Variants in VSTM2A observed in about 807,000 individuals in gnomAD.
The protein encoded by VSTM2A is V-set and transmembrane domain containing 2A, also known as V-set and transmembrane domain-containing protein 2A.
Under a neutral mutation model 27.3 loss-of-function variants are expected in VSTM2A, and 13 were observed. The ratio of observed to expected loss-of-function variants is 0.48; its 90% CI spans 0.31 to 0.76. The LOEUF (loss-of-function observed/expected upper bound fraction) is 0.76, where lower values mean the gene tolerates loss of function less well. Ranked by LOEUF, VSTM2A falls within the 30% of genes least tolerant of loss-of-function variation. The pLI is 0.05. For synonymous variants in VSTM2A, 142 were observed against 125.7 expected, an observed-to-expected ratio of 1.13 and a Z score of -0.87; for missense variants, 280 against 310.0, an observed-to-expected ratio of 0.90 and a Z score of 0.73.
chr7:54,554,517 C>G (rs1338765880), intron 4 of VSTM2A, among the ~76,000 whole-genome samples: 1 of 152,202 alleles, frequency 6.6e-6, no homozygotes, highest in Non-Finnish European at 1.5e-5. Flanking sequence ...AGGATGTCTG[C>G]ACACTTGTCT....
intron 4 of VSTM2A, chr7:54,558,156 G>GGT (rs2115877041): frequency 6.6e-6 from 1 of 152,180 alleles, no homozygotes; most frequent in East Asian, 1.9e-4. Flanking sequence ...TATACAAATT[G>GGT]GTGTTCATCT....
chr7:54,543,167 G>T (rs1253845435), intron 1 of VSTM2A, among the ~76,000 whole-genome samples: 1 of 152,068 alleles, frequency 6.6e-6, no homozygotes, highest in Non-Finnish European at 1.5e-5. Context: ...TGGATACTGG[G>T]ACTCTCCATT....
At chr7:54,545,740 G>A (rs1156860352) in intron 2 of VSTM2A, among the ~76,000 whole-genome samples, 1 of 126,722 alleles carries the variant, frequency 7.9e-6, no homozygotes, top group Non-Finnish European at 1.7e-5. Flanking sequence ...AGGGAGAGAG[G>A]GAAGGGAAAG....
intron 4 of VSTM2A, chr7:54,553,756 G>GGT: frequency 7.0e-7 from 1 of 1,424,744 alleles, no homozygotes; most frequent in Non-Finnish European, 9.5e-7. Context: ...AGGATGGAGT[G>GGT]GTTTAGGTCC....
intron 4 of VSTM2A, chr7:54,558,221 A>G (rs1375433558): frequency 6.6e-6 from 1 of 152,226 alleles, no homozygotes; most frequent in Non-Finnish European, 1.5e-5. Context: ...ATCACAAAGT[A>G]ATTAGCAATA....
intron 4 of VSTM2A, chr7:54,550,373 C>G (rs1788151358): frequency 7.2e-7 from 1 of 1,388,938 alleles, no homozygotes; most frequent in Non-Finnish European, 9.4e-7. Flanking sequence ...CCGTCAGTCC[C>G]CTAGTGGTGC....
At position 54,571,029 on chromosome 7, in the gene VSTM2A, GT is replaced by G. The variant is rs1320552336; in HGVS notation, c.*1813del. ...CTCATTCATTTGGTTTATCATTTCA[GT>G]TTAATGAGAAAAATTAATAAAGGTT... On this transcript the variant is annotated 3_prime_UTR_variant, in exon 5 of 5. Transcript: ENST00000402613. The G allele has an allele frequency of 7.9e-5, 12 of 152,066 alleles. No homozygotes were observed. Among genetic ancestry groups the G allele is most frequent in the African/African-American group, 2.9e-4 (12 of 41,406 alleles). 9.4% of individuals were successfully genotyped at this position (152,066 alleles called of 1,614,324 possible).
At chr7:54,548,921 C>A (rs1311507206) in intron 3 of VSTM2A, among the ~76,000 whole-genome samples, 1 of 151,506 alleles carries the variant, frequency 6.6e-6, no homozygotes. Context: ...ATTCTTGAAT[C>A]CCAAATGTCT....
chr7:54,569,054 T>G, intron 4 of VSTM2A, 77 bp from the exon 5 acceptor site: 3 of 1,606,714 alleles, frequency 1.9e-6, no homozygotes, highest in Non-Finnish European at 2.5e-6. Flanking sequence ...CTGCTTCTTG[T>G]TTGTGGCTTT....
intron 3 of VSTM2A, among the ~76,000 whole-genome samples, chr7:54,548,093 T>C (rs1399041724): frequency 6.6e-6 from 1 of 152,370 alleles, no homozygotes; most frequent in Admixed American, 6.5e-5. Flanking sequence ...ATCTAGTTTT[T>C]TCTTAATTAT....
intron 4 of VSTM2A, 26 bp downstream of exon 4, chr7:54,550,196 T>A: frequency 6.4e-7 from 1 of 1,568,444 alleles, no homozygotes; most frequent in Middle Eastern, 1.7e-4. Flanking sequence ...TCGAGCCTTT[T>A]ATTTTACCAC....
chr7:54,554,804 G>A (rs1480467466), intron 4 of VSTM2A, among the ~76,000 whole-genome samples: 2 of 152,172 alleles, frequency 1.3e-5, no homozygotes, highest in Admixed American at 1.3e-4. Context: ...CAGCTCCAGT[G>A]GCTGTCTCAT....
chr7:54,543,077 G>A (rs1224551573), intron 1 of VSTM2A, among the ~76,000 whole-genome samples: 2 of 152,074 alleles, frequency 1.3e-5, no homozygotes, highest in African/African-American at 4.8e-5. Flanking sequence ...GTGTGTGTGG[G>A]TGTGTGTGTG....
chr7:54,564,165 A>G (rs558638592), intron 4 of VSTM2A, among the ~76,000 whole-genome samples: 3 of 152,334 alleles, frequency 2.0e-5, no homozygotes, highest in Admixed American at 2.0e-4. Flanking sequence ...ACAGAGAAGT[A>G]TTTGACTGTT....
Position 54,569,436 on chromosome 7 carries a change from A to G in VSTM2A, c.*217A>G. The G allele has an allele frequency of 2.7e-6, 2 of 749,196 alleles. No individual in the cohort carries two copies. Among genetic ancestry groups the G allele is most frequent in the Non-Finnish European group, 4.1e-6 (2 of 484,158 alleles). 46.4% of individuals were successfully genotyped at this position (749,196 alleles called of 1,614,324 possible). On this transcript the variant is annotated 3_prime_UTR_variant, in exon 5 of 5. Transcript: ENST00000402613. ...CTGCTCAAGGGTTGGCCTGAATGTC[A>G]TCAGGATAGGGAATATTTACTATGG...
At chr7:54,548,711 T>C (rs1788082921) in intron 3 of VSTM2A, among the ~76,000 whole-genome samples, 1 of 152,200 alleles carries the variant, frequency 6.6e-6, no homozygotes, top group Admixed American at 6.5e-5. Flanking sequence ...TATATTTATA[T>C]GTAATTTTAT....
chr7:54,553,445 C>G (rs1023934552), intron 4 of VSTM2A, among the ~76,000 whole-genome samples: 1 of 152,184 alleles, frequency 6.6e-6, no homozygotes, highest in African/African-American at 2.4e-5. Context: ...TCATATCAAA[C>G]CCACTCTCCT....
At chr7:54,550,291 T>G (rs1271568745) in intron 4 of VSTM2A, 121 bp downstream of exon 4, 2 of 1,496,592 alleles carry the variant, frequency 1.3e-6, no homozygotes, top group Non-Finnish European at 1.8e-6. Context: ...CCTAGTTCAG[T>G]GCAAGTGATT....
chr7:54,546,721 A>G (rs1788003076), intron 2 of VSTM2A: 2 of 508,632 alleles, frequency 3.9e-6, no homozygotes, highest in African/African-American at 4.1e-5. Flanking sequence ...CCCCGGGGAA[A>G]GCGCGGGGAC....
Sources: allele counts gnomAD v4.1 joint callset (sites outside exome capture counted in the v4.1 genomes callset), GRCh38; gene constraint gnomAD v4.1.1; transcripts MANE v1.5; gene names NCBI Gene and HGNC (gene_info 2026-07-23, HGNC 2026-07-21).